Variants in PPFIA2 observed in about 807,000 individuals in gnomAD.
The protein encoded by PPFIA2 is PPFI scaffold protein A2, also known as liprin-alpha-2.
A neutral mutation model predicts 175.5 loss-of-function variants in PPFIA2; 46 were observed. The ratio of observed to expected loss-of-function variants is 0.26; its 90% CI spans 0.21 to 0.34. The LOEUF (loss-of-function observed/expected upper bound fraction) is 0.34, where lower values mean the gene tolerates loss of function less well. Ranked by LOEUF, PPFIA2 falls within the 10% of genes least tolerant of loss-of-function variation. The probability of loss-of-function intolerance (pLI) is 1.00; values close to 1 mark genes in which losing one functional copy is unlikely to be tolerated. For missense variants in PPFIA2, 1,179 were observed against 1,506.1 expected (o/e 0.78, Z 3.60); for synonymous variants, 568 against 511.4 (o/e 1.11, Z -1.49).
chr12:81,727,742 T>TC (rs1248106412), intron 3 of PPFIA2, among the ~76,000 whole-genome samples: 1 of 151,468 alleles, frequency 6.6e-6, no homozygotes, highest in African/African-American at 2.4e-5. Flanking sequence ...GATCATTTTT[T>TC]CTTTTTATGA....
intron 3 of PPFIA2, among the ~76,000 whole-genome samples, chr12:81,737,189 T>C (rs1568069736): frequency 6.6e-6 from 1 of 151,952 alleles, no homozygotes; most frequent in African/African-American, 2.4e-5. Flanking sequence ...CATTTCGACC[T>C]GCTTTTTCCC....
chr12:81,629,172 T>C (rs940079362), intron 4 of PPFIA2, among the ~76,000 whole-genome samples: 3 of 152,138 alleles, frequency 2.0e-5, no homozygotes, highest in Admixed American at 1.3e-4. Context: ...AGGTTATTTA[T>C]ATATAATATG....
chr12:81,425,360 T>C (rs1262495268), intron 7 of PPFIA2, among the ~76,000 whole-genome samples: 2 of 152,186 alleles, frequency 1.3e-5, no homozygotes, highest in Non-Finnish European at 2.9e-5. Context: ...TTTATTCTTT[T>C]TTGAGATGAA....
intron 3 of PPFIA2, among the ~76,000 whole-genome samples, chr12:81,703,613 G>T (rs1306324419): frequency 6.6e-6 from 1 of 151,996 alleles, no homozygotes; most frequent in Non-Finnish European, 1.5e-5. Context: ...TGCTAGTATG[G>T]ATCATGCCCT....
intron 3 of PPFIA2, among the ~76,000 whole-genome samples, chr12:81,714,835 A>T (rs2078389785): frequency 6.6e-6 from 1 of 151,220 alleles, no homozygotes; most frequent in African/African-American, 2.4e-5. Flanking sequence ...CAATGAACCA[A>T]AATGAATATA....
Position 81,294,845 on chromosome 12 carries a change from G to A in PPFIA2, c.2915C>T (p.Thr972Ile), listed in dbSNP as rs2137902006. 6.2e-7 allele frequency: 1 copy of A among 1,612,958 alleles called. No homozygotes were observed. The highest frequency in any genetic ancestry group is 1.1e-5 in the South Asian group (1 of 90,740). ...CAGAAACTGACTCACAGTTCGAGAT[G>A]TTGGAGGAGCTGAAGGACTTGTTAG... Reference protein sequence around the residue: ...VSLTSPSAPPTSRTPSGNVWV... With the variant: ...VSLTSPSAPPISRTPSGNVWV... Residue 972 changes from threonine (T) to isoleucine (I), a missense_variant, in exon 24 of 33, where the codon ACA becomes ATA. Thr to Ile is a moderately conservative substitution (Grantham distance 89, BLOSUM62 -1). Coordinates refer to ENST00000549396, the MANE Select transcript of PPFIA2 (RefSeq NM_003625.5).
At chr12:81,549,368 A>G (rs1382966341) in intron 4 of PPFIA2, among the ~76,000 whole-genome samples, 1 of 152,100 alleles carries the variant, frequency 6.6e-6, no homozygotes. Flanking sequence ...TCTACTTTTA[A>G]GATACATAAT....
chr12:81,294,660 C>A, intron 24 of PPFIA2, 175 bp downstream of exon 24: 1 of 636,992 alleles, frequency 1.6e-6, no homozygotes, highest in Admixed American at 2.8e-5. Context: ...AATCATAGTT[C>A]CTCATTTGAA....
At chr12:81,578,185 C>T (rs1269210154) in intron 4 of PPFIA2, among the ~76,000 whole-genome samples, 5 of 151,648 alleles carry the variant, frequency 3.3e-5, no homozygotes, top group African/African-American at 1.2e-4. Flanking sequence ...TAGGTAGAAG[C>T]TGAAATGCCT....
rs562752162 is a variant in PPFIA2, at chr12:81,487,015, C to T, written c.304-29149G>A. Among the ~76,000 whole-genome samples the T allele has an allele frequency of 3.8e-3, 572 of 152,004 alleles. 3 individuals are homozygous for T. Among genetic ancestry groups the T allele is most frequent in the African/African-American group, 0.013 (535 of 41,514 alleles). ...CATTAATCCCTTTGTTTACTCAATG[C>T]ATATTTACATTTTGCAAAACACGGT... On this transcript the variant is annotated intron_variant, in intron 4 of 32. Transcript: ENST00000549396.
At chr12:81,507,991 AAAT>A in intron 4 of PPFIA2, among the ~76,000 whole-genome samples, 1 of 152,318 alleles carries the variant, frequency 6.6e-6, no homozygotes, top group African/African-American at 2.4e-5. Context: ...CATTTAAAAA[AAAT>A]AATACCAAAG....
chr12:81,522,642 T>C (rs2063291355), intron 4 of PPFIA2, among the ~76,000 whole-genome samples: 1 of 152,206 alleles, frequency 6.6e-6, no homozygotes, highest in Non-Finnish European at 1.5e-5. Flanking sequence ...CTACTACTAA[T>C]ATTTTGTGCT....
Position 81,277,333 on chromosome 12 carries a change from G to T in PPFIA2, c.3294C>A (p.Ser1098Arg). 1 of 1,564,738 alleles carries T rather than the reference G, an allele frequency of 6.4e-7. No homozygotes were observed. Among genetic ancestry groups the T allele is most frequent in the Non-Finnish European group, 8.7e-7 (1 of 1,154,100 alleles). Residue 1098 changes from serine to arginine, a missense_variant, in exon 28 of 33, where the codon AGC becomes AGA. By Grantham distance (110) the Ser-to-Arg change is moderately radical. Transcript: ENST00000549396. ...ATATATTACCTTTTATTTCATGTTG[G>T]CTTGCTTCCCGTCTTCTTTCTAGTT... ...RKELERRREASQHEIKDVLVW... is the reference protein window; with the variant it reads ...RKELERRREARQHEIKDVLVW...
rs1033882600 is a variant in PPFIA2, at chr12:81,284,161, A to G, written c.2988+80T>C. Reference sequence around the variant, plus strand: ...AAAACACACCCTATTACTCTGGTCTATTGTAAACAGATTAGTTTCCTCATC... The same window carrying G: ...AAAACACACCCTATTACTCTGGTCTGTTGTAAACAGATTAGTTTCCTCATC... On this transcript the variant is annotated intron_variant, in intron 25 of 32. Coordinates refer to ENST00000549396, the MANE Select transcript of PPFIA2 (RefSeq NM_003625.5). 1.1e-4 allele frequency: 117 copies of G among 1,109,726 alleles called. No homozygotes were observed. In the South Asian group the frequency reaches 1.4e-3, roughly 13 times the overall value. The allele number at this position is 1,109,726 out of a possible 1,614,324, so 68.7% of individuals were successfully genotyped here. A position where few individuals can be genotyped will look rare whatever the true frequency, so the allele number is the denominator to read the frequency against.
chr12:81,594,520 T>C (rs1011881174), intron 4 of PPFIA2, among the ~76,000 whole-genome samples: 4 of 152,322 alleles, frequency 2.6e-5, no homozygotes, highest in African/African-American at 4.8e-5. Flanking sequence ...TTTTGTTTTG[T>C]ATGTGATAGT....
At chr12:81,385,868 T>C (rs527564584) in intron 8 of PPFIA2, among the ~76,000 whole-genome samples, 93 of 152,236 alleles carry the variant, frequency 6.1e-4, no homozygotes, top group Middle Eastern at 3.4e-3. Flanking sequence ...ACCACAAAAA[T>C]GATAAGTGAG....
intron 4 of PPFIA2, among the ~76,000 whole-genome samples, chr12:81,495,468 T>A (rs1043136910): frequency 5.3e-5 from 8 of 152,154 alleles, no homozygotes; most frequent in Non-Finnish European, 4.4e-5. Flanking sequence ...ACTGATCACC[T>A]AACATAATTC....
intron 4 of PPFIA2, among the ~76,000 whole-genome samples, chr12:81,630,367 G>A (rs1365068156): frequency 6.6e-6 from 1 of 152,066 alleles, no homozygotes; most frequent in Non-Finnish European, 1.5e-5. Context: ...GACTTGCCAG[G>A]CCCAAAAGAT....
At chr12:81,603,707 A>G (rs2060010458) in intron 4 of PPFIA2, among the ~76,000 whole-genome samples, 1 of 151,340 alleles carries the variant, frequency 6.6e-6, no homozygotes, top group Admixed American at 6.6e-5. Flanking sequence ...GACACATGGC[A>G]TTTAATTTGA....
Sources: gnomAD v4.1 joint callset for allele counts (sites outside exome capture counted in the v4.1 genomes callset) on GRCh38, gnomAD v4.1.1 for gene constraint, MANE v1.5 for transcripts, NCBI Gene and HGNC (gene_info 2026-07-23, HGNC 2026-07-21) for gene names.